MELK: variants seen among roughly 807,000 people sequenced by gnomAD.
The protein encoded by MELK is pEg3 kinase.
MELK carries 81 observed loss-of-function variants against 85.0 expected under a neutral mutation model. The ratio of observed to expected loss-of-function variants is 0.95; its 90% CI spans 0.80 to 1.15. MELK has a LOEUF of 1.15. Among genes scored for constraint, MELK ranks in the 50% most tolerant of loss-of-function variants. The pLI, the probability that MELK is intolerant of heterozygous loss-of-function variation, is 0.00. For missense variants in MELK, 754 were observed against 777.5 expected (o/e 0.97, Z 0.36); for synonymous variants, 252 against 265.0 (o/e 0.95, Z 0.48).
intron 7 of MELK, among the ~76,000 whole-genome samples, chr9:36,606,386 TAATA>T (rs1825498809): frequency 9.2e-6 from 1 of 109,286 alleles, no homozygotes; most frequent in Non-Finnish European, 1.7e-5. Context: ...GGTGTGTATA[TAATA>T]TATACATATG....
At chr9:36,605,203 A>G (rs1010217879) in intron 7 of MELK, among the ~76,000 whole-genome samples, 4 of 150,544 alleles carry the variant, frequency 2.7e-5, no homozygotes, top group African/African-American at 9.8e-5. Context: ...TTCCTGTGCA[A>G]CCTCTTTGCT....
intron 14 of MELK, among the ~76,000 whole-genome samples, chr9:36,666,011 TG>T (rs200742670): frequency 0.011 from 1,670 of 152,296 alleles, 24 homozygotes; most frequent in Middle Eastern, 0.017. Context: ...TTTACTTATC[TG>T]GATCTCCAGT....
intron 10 of MELK, among the ~76,000 whole-genome samples, chr9:36,642,365 C>T (rs2483641): frequency 0.1 from 15,650 of 149,366 alleles, 876 homozygotes; most frequent in Middle Eastern, 0.15. Flanking sequence ...AATACCAATG[C>T]AGGTCTTGTG....
At chr9:36,666,514 T>C (rs1362490534) in intron 14 of MELK, among the ~76,000 whole-genome samples, 1 of 152,236 alleles carries the variant, frequency 6.6e-6, no homozygotes, top group Non-Finnish European at 1.5e-5. Context: ...ATCCTGTTTA[T>C]GTCACTTTAA....
At chr9:36,616,679 G>A (rs1321294029) in intron 8 of MELK, among the ~76,000 whole-genome samples, 2 of 152,016 alleles carry the variant, frequency 1.3e-5, no homozygotes, top group East Asian at 1.9e-4. Flanking sequence ...GTGAGCCACC[G>A]CGCCTGGCCA....
In MELK at chr9:36,633,182, G is replaced by A. The variant is rs762738147; in HGVS notation, c.816G>A (p.Glu272=). ...TGCAAGATTACAACTATCCTGTTGA[G>A]TGGCAAAGCAAGAATCCTGTAAGTA... The part of the protein sequence containing the change: ...WIMQDYNYPV[E]WQSKNPFIHL... The change falls in exon 10 of 18, where the codon GAG becomes GAA. Residue 272 remains glutamate (E), a synonymous_variant. Transcript: ENST00000298048. 5 of 1,598,536 alleles carry A rather than the reference G, an allele frequency of 3.1e-6. No individual in the cohort carries two copies. Among genetic ancestry groups the A allele is most frequent in the Non-Finnish European group, 4.3e-6 (5 of 1,176,348 alleles).
rs917773334 is a variant in MELK at position 36,588,190 on chromosome 9, G to A, written c.145-1346G>A. 6.6e-5 allele frequency among the ~76,000 whole-genome samples: 10 copies of A among 150,648 alleles called. No individual in the cohort carries two copies. The East Asian group carries it at 1.9e-3, about 29-fold the overall frequency. ...TCCTGCCTCAGCCTCCAGAGTAGCT[G>A]GGATTACAGACATGCGCCACCATGC... On this transcript the variant is annotated intron_variant, in intron 3 of 17. Transcript: ENST00000298048.
intron 8 of MELK, among the ~76,000 whole-genome samples, chr9:36,626,383 C>T (rs1462048923): frequency 6.6e-6 from 1 of 151,126 alleles, no homozygotes; most frequent in East Asian, 1.9e-4. Flanking sequence ...ATCACCCTAG[C>T]ACCTAGACCC....
chr9:36,598,994 T>C (rs1435796362), intron 6 of MELK, among the ~76,000 whole-genome samples: 1 of 152,114 alleles, frequency 6.6e-6, no homozygotes, highest in Non-Finnish European at 1.5e-5. Context: ...TCTTTGCTTG[T>C]GCTCAAATAA....
intron 4 of MELK, among the ~76,000 whole-genome samples, chr9:36,590,963 G>GC (rs1015282022): frequency 2.0e-5 from 3 of 151,842 alleles, no homozygotes; most frequent in African/African-American, 7.3e-5. Flanking sequence ...CGCGTGGTGC[G>GC]CACCTGTCAT....
chr9:36,607,233 C>A (rs959165934), intron 7 of MELK, among the ~76,000 whole-genome samples: 13 of 152,290 alleles, frequency 8.5e-5, no homozygotes, highest in African/African-American at 2.6e-4. Context: ...TAACCTAAAC[C>A]TTCAGTAGCA....
intron 1 of MELK, among the ~76,000 whole-genome samples, chr9:36,580,567 C>T (rs1485646040): frequency 6.6e-6 from 1 of 151,852 alleles, no homozygotes; most frequent in African/African-American, 2.4e-5. Flanking sequence ...ATCTACCCTC[C>T]TCAGCCTCCC....
In MELK at chr9:36,665,592, A is replaced by C. The variant is rs1236476258; in HGVS notation, c.1408+11A>C. On this transcript the variant is annotated intron_variant, in intron 14 of 17. Transcript: ENST00000298048. ...CTACACCCTCAAAAGGTATTTGCTA[A>C]GTGAATTAAGCAGTAAGAAGTTTCA... 1 of 1,587,234 alleles carries C rather than the reference A, an allele frequency of 6.3e-7. No individual in the cohort carries two copies. The highest frequency in any genetic ancestry group is 8.6e-7 in the Non-Finnish European group (1 of 1,160,030).
At position 36,589,546 on chromosome 9, in the gene MELK, C is replaced by G. The variant is rs781286890; in HGVS notation, c.155C>G (p.Pro52Arg). 3 of 1,613,198 alleles carry G rather than the reference C, an allele frequency of 1.9e-6. No homozygotes were observed. Among genetic ancestry groups the G allele is most frequent in the East Asian group, 4.5e-5 (2 of 44,874 alleles). ...MDKNTLGSDL[P>R]RIKTEIEALK... ...GATGTTTTGTCACAGAGTGATTTGCCCCGGATCAAAACGGAGATTGAGGCC... is the reference window on the plus strand; with the variant it reads ...GATGTTTTGTCACAGAGTGATTTGCGCCGGATCAAAACGGAGATTGAGGCC... Residue 52 changes from proline (P) to arginine (R), a missense_variant, in exon 4 of 18, where the codon CCC (proline) becomes CGC (arginine). Transcript: ENST00000298048.
rs79233232 is a variant in MELK, at chr9:36,573,473, A to G, written c.-39+466A>G. On this transcript the variant is annotated intron_variant, in intron 1 of 17. Coordinates refer to ENST00000298048, the MANE Select transcript of MELK (RefSeq NM_014791.4). Reference sequence around the variant, plus strand: ...TCCTCTCCTATCATCTCCCCAGAGTAGTGGCTTCAGAGGCTCACACTAAAA... The same window carrying G: ...TCCTCTCCTATCATCTCCCCAGAGTGGTGGCTTCAGAGGCTCACACTAAAA... Among the ~76,000 whole-genome samples, 1,145 of 152,292 alleles carry G rather than the reference A, an allele frequency of 7.5e-3. 12 individuals carry two copies. The highest frequency in any genetic ancestry group is 0.026 in the African/African-American group (1,067 of 41,564).
chr9:36,619,072 C>T (rs1334445105), intron 8 of MELK, among the ~76,000 whole-genome samples: 13 of 151,842 alleles, frequency 8.6e-5, no homozygotes, highest in Non-Finnish European at 1.8e-4. Flanking sequence ...AATTCTCCTG[C>T]CTCAGCCTCC....
At chr9:36,676,139 G>T (rs1391708176) in intron 17 of MELK, among the ~76,000 whole-genome samples, 3 of 152,132 alleles carry the variant, frequency 2.0e-5, no homozygotes, top group African/African-American at 7.2e-5. Context: ...ACTTCAGGGT[G>T]CTCCTTTTGG....
At chr9:36,596,581 G>GTT (rs1173675582) in intron 5 of MELK, among the ~76,000 whole-genome samples, 1 of 98,426 alleles carries the variant, frequency 1.0e-5, no homozygotes, top group Non-Finnish European at 1.8e-5. Context: ...TGTTTTTTTT[G>GTT]TTTTTTTTGT....
chr9:36,600,021 T>C (rs1587384343), intron 7 of MELK, among the ~76,000 whole-genome samples: 2 of 152,300 alleles, frequency 1.3e-5, no homozygotes, highest in South Asian at 2.1e-4. Flanking sequence ...AAAAACACTT[T>C]AGTTGTGAAA....
Sources: allele counts gnomAD v4.1 joint callset (sites outside exome capture counted in the v4.1 genomes callset), GRCh38; gene constraint gnomAD v4.1.1; transcripts MANE v1.5; gene names NCBI Gene and HGNC (gene_info 2026-07-23, HGNC 2026-07-21).